TTBK1: variants seen among roughly 807,000 people sequenced by gnomAD.
TTBK1 encodes tau tubulin kinase 1.
A neutral mutation model predicts 108.5 loss-of-function variants in TTBK1; 34 were observed. That is an observed-to-expected ratio of 0.31 (90% CI 0.24 to 0.42). The LOEUF is 0.42. Among genes scored for constraint, TTBK1 ranks in the 10% least tolerant of loss-of-function variants. The pLI, the probability that TTBK1 is intolerant of heterozygous loss-of-function variation, is 1.00. For missense variants in TTBK1, 1,539 were observed against 1,826.0 expected (o/e 0.84, Z 2.86); for synonymous variants, 809 against 795.1 (o/e 1.02, Z -0.29).
chr6:43,284,393 T>TGAGGGG (rs59308759), intron 14 of TTBK1, 81 bp downstream of exon 14: 4 of 1,457,658 alleles, frequency 2.7e-6, no homozygotes, highest in South Asian at 1.4e-5. Context: ...AGAACCAAGG[T>TGAGGGG]CAGGGGCTAT....
rs946486354 is a variant in TTBK1, at chr6:43,285,230, C to A, written c.3820C>A (p.Arg1274=). ...HQARPGVPPP[R]GVPPARAQPD... ...GGCCCGGCCCGGGGTCCCCCCGCCC[C>A]GGGGCGTCCCGCCGGCCCGGGCCCA... Residue 1274 remains arginine, a synonymous_variant, in exon 15 of 15, where the codon CGG becomes AGG. Transcript: ENST00000259750. The surrounding 1 kb of genome is among the most constrained non-coding windows in gnomAD (Gnocchi z 4.7). 4 of 1,303,560 alleles carry A rather than the reference C, an allele frequency of 3.1e-6. No homozygotes were observed. The highest frequency in any genetic ancestry group is 2.9e-6 in the Non-Finnish European group (3 of 1,029,772). The allele number at this position is 1,303,560 out of a possible 1,614,324, so 80.7% of individuals were successfully genotyped here.
At position 43,263,510 on chromosome 6, in the gene TTBK1, G is replaced by C. The variant is rs1777601902; in HGVS notation, c.1986+160G>C. On this transcript the variant is annotated intron_variant, in intron 13 of 14. Coordinates refer to ENST00000259750, the MANE Select transcript of TTBK1 (RefSeq NM_032538.3). The surrounding 1 kb of genome is among the most constrained non-coding windows in gnomAD (Gnocchi z 4.7). ...GGCTTAAGGGTCTGAAACCATGTTT[G>C]AGGGGCAGGCAAGGCTTCCCAGAGG... is the stretch of plus-strand genomic sequence containing the variant. Among the ~76,000 whole-genome samples the C allele has an allele frequency of 6.6e-6, 1 of 152,262 alleles. No individual in the cohort carries two copies. Among genetic ancestry groups the C allele is most frequent in the South Asian group, 2.1e-4 (1 of 4,828 alleles).
Position 43,257,716 on chromosome 6 carries a change from T to A in TTBK1, c.862-96T>A, listed in dbSNP as rs2150689952. The A allele has an allele frequency of 1.5e-6, 2 of 1,338,294 alleles. No homozygotes were observed. Among genetic ancestry groups the A allele is most frequent in the East Asian group, 4.8e-5 (2 of 41,620 alleles). 82.9% of individuals were successfully genotyped at this position (1,338,294 alleles called of 1,614,324 possible). Reference sequence around the variant, plus strand: ...CCAGGCCCATTCCTGTCCTGGAAAGTCCCTGTCTTCCTCCTATGATCCCAG... The same window carrying A: ...CCAGGCCCATTCCTGTCCTGGAAAGACCCTGTCTTCCTCCTATGATCCCAG... On this transcript the variant is annotated intron_variant, in intron 9 of 14. Coordinates refer to ENST00000259750, the MANE Select transcript of TTBK1 (RefSeq NM_032538.3). The surrounding 1 kb of genome is among the most constrained non-coding windows in gnomAD (Gnocchi z 4.5).
At chr6:43,268,512 C>G (rs1008028066) in intron 13 of TTBK1, among the ~76,000 whole-genome samples, 2 of 152,224 alleles carry the variant, frequency 1.3e-5, no homozygotes, top group Non-Finnish European at 2.9e-5. Context: ...CCCAGGCCCC[C>G]TCCTTCCTGG....
intron 13 of TTBK1, among the ~76,000 whole-genome samples, chr6:43,277,807 GGT>G (rs1491202455): frequency 6.6e-6 from 1 of 152,210 alleles, no homozygotes; most frequent in Non-Finnish European, 1.5e-5. Flanking sequence ...AGCTGACAGA[GGT>G]GATGCAGGCA....
intron 13 of TTBK1, chr6:43,271,491 C>G: frequency 1.0e-6 from 1 of 985,396 alleles, no homozygotes. Flanking sequence ...TGGTAGTTTC[C>G]TATGTAGCTA....
rs1237639005 is a variant in TTBK1 at position 43,253,393 on chromosome 6, C to T, written c.330+29C>T. The stretch of plus-strand genomic sequence containing the variant: ...AGTCCCCGTGGCCCATCCTCGCTCC[C>T]CTCTCTAAGAGCTTGGGCTGTGACT... On this transcript the variant is annotated intron_variant, in intron 4 of 14. Coordinates refer to ENST00000259750, the MANE Select transcript of TTBK1 (RefSeq NM_032538.3). The surrounding 1 kb of genome is among the most constrained non-coding windows in gnomAD (Gnocchi z 5.8). 11 of 1,612,608 alleles carry T rather than the reference C, an allele frequency of 6.8e-6. No homozygotes were observed. Among genetic ancestry groups the T allele is most frequent in the Non-Finnish European group, 7.6e-6 (9 of 1,178,944 alleles).
At position 43,253,857 on chromosome 6, in the gene TTBK1, C is replaced by T; in HGVS notation, c.471+149C>T. On this transcript the variant is annotated intron_variant, in intron 5 of 14. Transcript: ENST00000259750. This position sits in a 1 kb window ranked among gnomAD's most constrained non-coding sequence, Gnocchi z 5.8. The stretch of plus-strand genomic sequence containing the variant: ...TCCCCAAGCCCCTCCTGCTCTCCTT[C>T]CCAGGCCCCATCTCTTCCTCTCCCG... 9.2e-7 allele frequency: 1 copy of T among 1,087,442 alleles called. No individual in the cohort carries two copies. Among genetic ancestry groups the T allele is most frequent in the Middle Eastern group, 2.1e-4 (1 of 4,836 alleles). 67.4% of individuals were successfully genotyped at this position (1,087,442 alleles called of 1,614,324 possible). A position where few individuals can be genotyped will look rare whatever the true frequency, so the allele number is the denominator to read the frequency against.
Position 43,247,554 on chromosome 6 carries a change from G to T in TTBK1, c.108+786G>T, listed in dbSNP as rs574365902. Among the ~76,000 whole-genome samples, 5 of 152,122 alleles carry T rather than the reference G, an allele frequency of 3.3e-5. No individual in the cohort carries two copies. In the East Asian group the frequency reaches 9.7e-4, roughly 29 times the overall value. ...TGGGCGGCAGTGTGGGGAAACCCGT[G>T]TGTGAGCCTGTGGGACTGCACCGGA... is the stretch of plus-strand genomic sequence containing the variant. On this transcript the variant is annotated intron_variant, in intron 2 of 14. Coordinates refer to ENST00000259750, the MANE Select transcript of TTBK1 (RefSeq NM_032538.3).
intron 13 of TTBK1, among the ~76,000 whole-genome samples, chr6:43,274,860 C>T (rs1053012629): frequency 6.6e-6 from 1 of 152,080 alleles, no homozygotes; most frequent in East Asian, 1.9e-4. Context: ...CCTGAGTGCC[C>T]GCTTCCTCCA....
At chr6:43,281,092 G>A (rs1041758647) in intron 13 of TTBK1, among the ~76,000 whole-genome samples, 4 of 152,156 alleles carry the variant, frequency 2.6e-5, no homozygotes, top group African/African-American at 9.7e-5. Flanking sequence ...AACTGTCTTA[G>A]GCCAGGCGTG....
intron 1 of TTBK1, among the ~76,000 whole-genome samples, chr6:43,245,616 C>T (rs538533949): frequency 4.6e-5 from 7 of 152,202 alleles, no homozygotes; most frequent in South Asian, 2.1e-4. Context: ...CATACACACA[C>T]GCACACATGG....
rs1282397488 is a variant in TTBK1 at position 43,255,120 on chromosome 6, T to C, written c.642+6T>C. On this transcript the variant is annotated splice_donor_region_variant and intron_variant, in intron 7 of 14. Transcript: ENST00000259750. The stretch of plus-strand genomic sequence containing the variant: ...TCAATGCCCACAAGAACCGGGTGAG[T>C]GGCAAAGCCCGGGATGCAGGATGTG... 3.3e-6 allele frequency: 5 copies of C among 1,509,788 alleles called. No individual in the cohort carries two copies. The African/African-American group carries it at 7.9e-5, about 24-fold the overall frequency. The allele number at this position is 1,509,788 out of a possible 1,614,324, so 93.5% of individuals were successfully genotyped here.
At position 43,259,088 on chromosome 6, in the gene TTBK1, A is replaced by G. The variant is rs1777453591; in HGVS notation, c.1067A>G (p.Glu356Gly). ...GGGGACCTGCTCCGGGAGAACACCG[A>G]GGATGTGCTACAGGGAGAGCACCTG... The part of the protein sequence containing the change: ...VPGDLLRENT[E>G]DVLQGEHLSD... The change falls in exon 11 of 15, where the codon GAG becomes GGG. Residue 356 changes from glutamate (E) to glycine (G), a missense_variant. Physicochemically the swap from Glu to Gly is moderately conservative, Grantham distance 98. Around this residue, in one of 5 missense-constraint regions of TTBK1, gnomAD observed 277 missense variants for 332.4 expected, o/e 0.83. Coordinates refer to ENST00000259750, the MANE Select transcript of TTBK1 (RefSeq NM_032538.3). This position sits in a 1 kb window ranked among gnomAD's most constrained non-coding sequence, Gnocchi z 6.7. 1 of 1,613,926 alleles carries G rather than the reference A, an allele frequency of 6.2e-7. No homozygotes were observed. The highest frequency in any genetic ancestry group is 8.5e-7 in the Non-Finnish European group (1 of 1,179,974).
intron 13 of TTBK1, among the ~76,000 whole-genome samples, chr6:43,277,444 C>T (rs929460482): frequency 4.6e-5 from 7 of 152,174 alleles, no homozygotes; most frequent in South Asian, 2.1e-4. Context: ...ACCCCATCCC[C>T]GCACACTGCC....
chr6:43,259,821 GA>G lies in TTBK1; in HGVS notation c.1424+116del. The stretch of plus-strand genomic sequence containing the variant: ...AGGTGGGCAGACCCTGGGAAGTGCT[GA>G]GAGGGTTATACTTGGGCCTGGGGTC... On this transcript the variant is annotated intron_variant, in intron 12 of 14. Transcript: ENST00000259750. This position sits in a 1 kb window ranked among gnomAD's most constrained non-coding sequence, Gnocchi z 6.7. 1 of 1,141,562 alleles carries G rather than the reference GA, an allele frequency of 8.8e-7. No individual in the cohort carries two copies. The highest frequency in any genetic ancestry group is 1.2e-6 in the Non-Finnish European group (1 of 825,440). 70.7% of individuals were successfully genotyped at this position (1,141,562 alleles called of 1,614,324 possible). A position where few individuals can be genotyped will look rare whatever the true frequency, so the allele number is the denominator to read the frequency against.
rs774099282 is a variant in TTBK1, at chr6:43,259,188, C to G, written c.1167C>G (p.Val389=). Residue 389 remains valine (V), a synonymous_variant, in exon 11 of 15, where the codon GTC becomes GTG. Transcript: ENST00000259750. The surrounding 1 kb of genome is among the most constrained non-coding windows in gnomAD (Gnocchi z 6.7). ...GGCTGGGCCCCAGTCCCCACCTTGT[C>G]CCCCACCCCGGGGGTCCTGAGGCTG... The part of the protein sequence containing the change: ...SEGLGPSPHL[V]PHPGGPEAEV... 6 of 1,608,348 alleles carry G rather than the reference C, an allele frequency of 3.7e-6. No homozygotes were observed. In the East Asian group the frequency reaches 1.3e-4, roughly 36 times the overall value.
At position 43,272,200 on chromosome 6, in the gene TTBK1, GC is replaced by G. The variant is rs1011536936; in HGVS notation, c.1986+8857del. The G allele has an allele frequency of 1.2e-5, 12 of 985,030 alleles. No homozygotes were observed. In the South Asian group the frequency reaches 2.8e-4, roughly 23 times the overall value. 61.0% of individuals were successfully genotyped at this position (985,030 alleles called of 1,614,324 possible). ...TAAGTCAGCAGCAGTGTGGGCAAGG[GC>G]CCCCCCACCCAATCTGGGGTTGGAT... On this transcript the variant is annotated intron_variant, in intron 13 of 14. Coordinates refer to ENST00000259750, the MANE Select transcript of TTBK1 (RefSeq NM_032538.3).
Position 43,257,104 on chromosome 6 carries a change from G to C in TTBK1, c.862-708G>C, listed in dbSNP as rs1383025932. On this transcript the variant is annotated intron_variant, in intron 9 of 14. Coordinates refer to ENST00000259750, the MANE Select transcript of TTBK1 (RefSeq NM_032538.3). The surrounding 1 kb of genome is among the most constrained non-coding windows in gnomAD (Gnocchi z 4.5). ...CAATTAAGCCGGTCCTCTCAGCAGAGAGAAACTGCCCTGTGCTCTGGAGAC... is the reference window on the plus strand; with the variant it reads ...CAATTAAGCCGGTCCTCTCAGCAGACAGAAACTGCCCTGTGCTCTGGAGAC... 6.6e-6 allele frequency among the ~76,000 whole-genome samples: 1 copy of C among 152,250 alleles called. No homozygotes were observed. The highest frequency in any genetic ancestry group is 2.4e-5 in the African/African-American group (1 of 41,460).
Sources: gnomAD v4.1 joint callset for allele counts (sites outside exome capture counted in the v4.1 genomes callset) on GRCh38, gnomAD v4.1.1 for gene constraint, gnomAD v4.1.1 regional missense constraint, Gnocchi (gnomAD v3.1) non-coding constraint, MANE v1.5 for transcripts, NCBI Gene and HGNC (gene_info 2026-07-23, HGNC 2026-07-21) for gene names.